The following DENND5A variants were observed in gnomAD, a reference collection of about 807,000 sequenced individuals.
DENND5A encodes DENN domain containing 5A.
DENND5A carries 64 observed loss-of-function variants against 140.3 expected under a neutral mutation model. The observed-to-expected ratio is 0.46, with a 90% CI of 0.37 to 0.56. The LOEUF (loss-of-function observed/expected upper bound fraction) is 0.56, where lower values mean the gene tolerates loss of function less well. Among genes scored for constraint, DENND5A ranks in the 20% least tolerant of loss-of-function variants. The pLI, the probability that DENND5A is intolerant of heterozygous loss-of-function variation, is 0.00. For synonymous variants in DENND5A, 605 were observed against 607.7 expected, an observed-to-expected ratio of 1.00 and a Z score of 0.07; for missense variants, 1,292 against 1,593.8, an observed-to-expected ratio of 0.81 and a Z score of 3.22.
intron 8 of DENND5A, among the ~76,000 whole-genome samples, chr11:9,174,760 A>T (rs1848494304): frequency 6.7e-6 from 1 of 148,520 alleles, no homozygotes; most frequent in Non-Finnish European, 1.5e-5. Context: ...TAAAGCTAAA[A>T]ACCATATAAT....
At chr11:9,234,295 C>T (rs72859676) in intron 1 of DENND5A, among the ~76,000 whole-genome samples, 25,225 of 151,862 alleles carry the variant, frequency 0.17, 2,288 homozygotes, top group Non-Finnish European at 0.21. Context: ...GTGCCCAAAC[C>T]TCAATCTTTC....
chr11:9,189,174 G>C (rs566002564), intron 5 of DENND5A, among the ~76,000 whole-genome samples: 1 of 152,356 alleles, frequency 6.6e-6, no homozygotes, highest in South Asian at 2.1e-4. Context: ...TTCAGAGGGT[G>C]CAAGTCCCAA....
At chr11:9,153,673 CTA>C (rs1847709194) in intron 12 of DENND5A, among the ~76,000 whole-genome samples, 1 of 152,110 alleles carries the variant, frequency 6.6e-6, no homozygotes, top group Non-Finnish European at 1.5e-5. Flanking sequence ...TAAGTCATCA[CTA>C]TAACAAGGAT....
intron 1 of DENND5A, among the ~76,000 whole-genome samples, chr11:9,249,942 T>C (rs1240846201): frequency 1.3e-5 from 2 of 151,848 alleles, no homozygotes; most frequent in African/African-American, 4.8e-5. Context: ...CTACCTCAGC[T>C]TCCCAAAGTG....
At chr11:9,176,397 T>A (rs1848546069) in intron 8 of DENND5A, among the ~76,000 whole-genome samples, 1 of 152,124 alleles carries the variant, frequency 6.6e-6, no homozygotes, top group African/African-American at 2.4e-5. Context: ...ACACTGAACA[T>A]CCTGCAGGAA....
At chr11:9,260,194 C>T (rs1199070242) in intron 1 of DENND5A, among the ~76,000 whole-genome samples, 1 of 152,042 alleles carries the variant, frequency 6.6e-6, no homozygotes, top group Non-Finnish European at 1.5e-5. Flanking sequence ...AATTGGAGTA[C>T]AAGATGAAAG....
chr11:9,189,365 T>G (rs375535135), intron 5 of DENND5A, among the ~76,000 whole-genome samples: 3 of 152,082 alleles, frequency 2.0e-5, no homozygotes, highest in South Asian at 2.1e-4. Flanking sequence ...GGAAGGGAAA[T>G]GTAGGGTCAG....
At chr11:9,213,760 T>C (rs938112447) in intron 1 of DENND5A, among the ~76,000 whole-genome samples, 1 of 133,280 alleles carries the variant, frequency 7.5e-6, no homozygotes, top group Admixed American at 8.9e-5. Context: ...TGAGCCGAGA[T>C]TGCACCACTG....
chr11:9,242,352 A>G (rs1404149176), intron 1 of DENND5A: 1 of 152,230 alleles, frequency 6.6e-6, no homozygotes, highest in African/African-American at 2.4e-5. Flanking sequence ...CTCACTCTCA[A>G]TTATAAACAT....
Position 9,144,275 on chromosome 11 carries a change from G to A in DENND5A, c.3126C>T (p.Phe1042=), listed in dbSNP as rs140346908. 49 of 1,613,706 alleles carry A rather than the reference G, an allele frequency of 3.0e-5. No individual in the cohort carries two copies. Among genetic ancestry groups the A allele is most frequent in the Non-Finnish European group, 3.8e-5 (45 of 1,179,980 alleles). Residue 1042 remains phenylalanine, a synonymous_variant, in exon 19 of 23, where the codon TTC becomes TTT. Coordinates refer to ENST00000328194, the MANE Select transcript of DENND5A (RefSeq NM_015213.4). ...RNEITGHTYK[F]PCGRWLGKGM... ...CCTTCCCTAACCACCGGCCACACGGGAACCTGAAGATCAGACAATGGACTG... is the reference window on the plus strand; with the variant it reads ...CCTTCCCTAACCACCGGCCACACGGAAACCTGAAGATCAGACAATGGACTG...
At chr11:9,161,841 A>C (rs2136141293) in intron 11 of DENND5A, among the ~76,000 whole-genome samples, 1 of 152,140 alleles carries the variant, frequency 6.6e-6, no homozygotes, top group South Asian at 2.1e-4. Flanking sequence ...ATAGTATAAA[A>C]CAATATAGTA....
intron 1 of DENND5A, among the ~76,000 whole-genome samples, chr11:9,261,214 G>GT (rs1403778671): frequency 1.3e-5 from 2 of 152,150 alleles, no homozygotes; most frequent in Non-Finnish European, 2.9e-5. Flanking sequence ...AAACAAGAAG[G>GT]AACACCGAGC....
chr11:9,192,081 G>A (rs1285742165), intron 5 of DENND5A, among the ~76,000 whole-genome samples: 2 of 151,702 alleles, frequency 1.3e-5, no homozygotes, highest in African/African-American at 4.8e-5. Context: ...AGTCAAAGAA[G>A]AAAAAAGGGC....
chr11:9,170,073 A>C, intron 9 of DENND5A, 124 bp from the exon 10 acceptor site: 23 of 848,206 alleles, frequency 2.7e-5, no homozygotes, highest in Non-Finnish European at 3.8e-5. Flanking sequence ...CCTAGATGTC[A>C]CCAGAGACAG....
intron 10 of DENND5A, among the ~76,000 whole-genome samples, chr11:9,169,495 G>GCACACA (rs59297086): frequency 0.05 from 7,253 of 145,734 alleles, 500 homozygotes; most frequent in African/African-American, 0.16. Flanking sequence ...ATATACACAC[G>GCACACA]CACACACACA....
At chr11:9,192,564 G>A (rs1355450736) in intron 5 of DENND5A, among the ~76,000 whole-genome samples, 1 of 151,208 alleles carries the variant, frequency 6.6e-6, no homozygotes, top group Non-Finnish European at 1.5e-5. Context: ...GAAGGCAGAG[G>A]TTGCAGTCAG....
intron 1 of DENND5A, among the ~76,000 whole-genome samples, chr11:9,216,564 C>T (rs1850101341): frequency 6.6e-6 from 1 of 152,162 alleles, no homozygotes; most frequent in Admixed American, 6.5e-5. Flanking sequence ...GCATTAGGCA[C>T]CTTTCAAAGT....
rs996808107 is a variant in DENND5A, at chr11:9,248,937, G to A, written c.109+16024C>T. 1.2e-4 allele frequency among the ~76,000 whole-genome samples: 18 copies of A among 152,204 alleles called. No homozygotes were observed. In the East Asian group the frequency reaches 3.1e-3, roughly 26 times the overall value. ...AAAAGGCATCAGAGATGATACACCTGAAAAAATAACCAAGTCCTGGCTGGG... is the reference window on the plus strand; with the variant it reads ...AAAAGGCATCAGAGATGATACACCTAAAAAAATAACCAAGTCCTGGCTGGG... On this transcript the variant is annotated intron_variant, in intron 1 of 22. Transcript: ENST00000328194.
intron 3 of DENND5A, 35 bp from the exon 4 acceptor site, chr11:9,204,352 C>G: frequency 6.3e-7 from 1 of 1,575,430 alleles, no homozygotes. Flanking sequence ...GCAGTGAGAA[C>G]ACTCACTGGC....
Sources: gnomAD v4.1 joint callset for allele counts (sites outside exome capture counted in the v4.1 genomes callset) on GRCh38, gnomAD v4.1.1 for gene constraint, MANE v1.5 for transcripts, NCBI Gene and HGNC (gene_info 2026-07-23, HGNC 2026-07-21) for gene names.